WDR4: variants seen among roughly 807,000 people sequenced by gnomAD.
WDR4 encodes tRNA (guanine-N(7)-)-methyltransferase non-catalytic subunit WDR4.
A neutral mutation model predicts 48.6 loss-of-function variants in WDR4; 47 were observed. The ratio of observed to expected loss-of-function variants is 0.97; its 90% CI spans 0.77 to 1.23. The LOEUF is 1.23. Ranked by LOEUF, WDR4 falls within the 50% of genes most tolerant of loss-of-function variation. The probability of loss-of-function intolerance (pLI) is 0.00; values close to 1 mark genes in which losing one functional copy is unlikely to be tolerated. For synonymous variants in WDR4, 268 were observed against 230.0 expected (o/e 1.17, Z -1.49); for missense variants, 606 against 551.6 (o/e 1.10, Z -0.99).
At chr21:42,868,216 T>A (rs1045760836) in intron 3 of WDR4, among the ~76,000 whole-genome samples, 2 of 152,144 alleles carry the variant, frequency 1.3e-5, no homozygotes, top group Non-Finnish European at 2.9e-5. Flanking sequence ...GCCTCCGCGC[T>A]TCCATCAGGG....
the WDR4 span, among the ~76,000 whole-genome samples, chr21:42,891,724 G>A: frequency 3.3e-5 from 5 of 152,142 alleles, no homozygotes; most frequent in Admixed American, 6.6e-5. Context: ...TTGGGAGGCC[G>A]AGGCGGGCGA....
At chr21:42,874,081 C>A (rs773534347) in intron 2 of WDR4, among the ~76,000 whole-genome samples, 5 of 152,092 alleles carry the variant, frequency 3.3e-5, no homozygotes, top group African/African-American at 1.2e-4. Context: ...TTTGGTGTTG[C>A]GAGAAGTCAG....
At chr21:42,854,537 C>A in intron 8 of WDR4, 25 bp downstream of exon 8, 2 of 1,608,748 alleles carry the variant, frequency 1.2e-6, no homozygotes, top group Admixed American at 1.7e-5. Context: ...GAACCGGAGG[C>A]CATAGAGGTG....
intron 11 of WDR4, among the ~76,000 whole-genome samples, chr21:42,843,536 G>A (rs1055952435): frequency 2.0e-5 from 3 of 148,702 alleles, no homozygotes; most frequent in South Asian, 2.1e-4. Flanking sequence ...TCAGCCTCCC[G>A]AGCAGCTGGG....
chr21:42,852,187 T>C, intron 10 of WDR4, 68 bp downstream of exon 10: 1 of 1,546,138 alleles, frequency 6.5e-7, no homozygotes, highest in Non-Finnish European at 8.9e-7. Context: ...TCACAGTGTG[T>C]GCTTCTGCTT....
At chr21:42,861,341 T>TGGGGG (rs1254035123) in intron 5 of WDR4, among the ~76,000 whole-genome samples, 1 of 4,914 alleles carries the variant, frequency 2.0e-4, no homozygotes, top group African/African-American at 7.7e-4. Flanking sequence ...AAGGGTGGGG[T>TGGGGG]GGGGAGGGGG....
In WDR4 at chr21:42,862,363, G is replaced by C; in HGVS notation, c.485C>G (p.Thr162Ser). ...TCGGATCTTCTCGTCCCGGTCGGCA[G>C]TGAGGATGAAGCGGTCATCAGGACT... ...AVSPDDRFIL[T>S]ADRDEKIRVS... is the part of the protein sequence containing the mutation. Residue 162 changes from threonine to serine, a missense_variant, in exon 5 of 11, where the codon ACT becomes AGT. Coordinates refer to ENST00000398208, the MANE Select transcript of WDR4 (RefSeq NM_018669.6). This position sits in a 1 kb window ranked among gnomAD's most constrained non-coding sequence, Gnocchi z 4.3. The C allele has an allele frequency of 6.2e-7, 1 of 1,611,110 alleles. No homozygotes were observed. Among genetic ancestry groups the C allele is most frequent in the Non-Finnish European group, 8.5e-7 (1 of 1,178,842 alleles).
At chr21:42,864,661 A>G (rs928111231) in intron 3 of WDR4, among the ~76,000 whole-genome samples, 6 of 152,156 alleles carry the variant, frequency 3.9e-5, no homozygotes, top group Admixed American at 1.3e-4. Context: ...TTCCGGATGC[A>G]GCACGTTTGC....
downstream of WDR4, among the ~76,000 whole-genome samples, chr21:42,846,947 GGAGGCGGAGGTTGCAGT>G (rs1453900537): frequency 6.6e-6 from 1 of 150,404 alleles, no homozygotes; most frequent in African/African-American, 2.5e-5. Flanking sequence ...CTTGAACCCG[GGAGGCGGAGGTTGCAGT>G]GAGGTGGAGG....
At chr21:42,853,458 GCTGAGTTGAAAGAGGCTTA>G in intron 9 of WDR4, 92 bp downstream of exon 9, 5 of 1,243,858 alleles carry the variant, frequency 4.0e-6, no homozygotes, top group Non-Finnish European at 5.5e-6. Context: ...CCCAGAAGTG[GCTGAGTTGAAAGAGGCTTA>G]CCCATGGACC....
chr21:42,849,183 A>G (rs7277464), downstream of WDR4: 120,542 of 143,448 alleles, frequency 0.84, 50,162 homozygotes, highest in Middle Eastern at 0.87. Flanking sequence ...CACAGCGCAC[A>G]ATCACACCGC....
intron 6 of WDR4, among the ~76,000 whole-genome samples, chr21:42,857,304 C>T (rs463498): frequency 0.056 from 8,574 of 152,076 alleles, 266 homozygotes; most frequent in South Asian, 0.088. Flanking sequence ...GAGTGAAGGC[C>T]GGGACACTGA....
At chr21:42,879,669 G>T (rs1428267211), upstream of WDR4, 5 of 736,266 alleles carry the variant, frequency 6.8e-6, no homozygotes, top group Admixed American at 3.1e-5. Flanking sequence ...ACCGCCCTCC[G>T]GGTTGTGGCT....
the WDR4 span, chr21:42,886,829 C>T: frequency 6.6e-6 from 1 of 152,274 alleles, no homozygotes; most frequent in Admixed American, 6.5e-5. Context: ...TAGCCAATAG[C>T]CCCAGCCCAC....
intron 9 of WDR4, among the ~76,000 whole-genome samples, chr21:42,852,672 T>C (rs1008112385): frequency 6.6e-6 from 1 of 152,166 alleles, no homozygotes; most frequent in Admixed American, 6.5e-5. Context: ...TCCCAGCACT[T>C]TGGGAGGCCA....
rs1167458954 is a variant in WDR4, at chr21:42,850,153, G to C, written c.1135C>G (p.Leu379Val). Reference sequence around the variant, plus strand: ...TGCTTCTTCTCTAGCTGCTGCTGCAGTCTCTCCTCTTTCTTCTTCAGGTAG... The same window carrying C: ...TGCTTCTTCTCTAGCTGCTGCTGCACTCTCTCCTCTTTCTTCTTCAGGTAG... ...TSYLKKKEER[L>V]QQQLEKKQRR... Residue 379 changes from leucine to valine, a missense_variant, in exon 11 of 11, where the codon CTG becomes GTG. Physicochemically the swap from Leu to Val is conservative, Grantham distance 32. Coordinates refer to ENST00000398208, the MANE Select transcript of WDR4 (RefSeq NM_018669.6). The C allele has an allele frequency of 2.5e-6, 4 of 1,614,098 alleles. No individual in the cohort carries two copies. Among genetic ancestry groups the C allele is most frequent in the Non-Finnish European group, 3.4e-6 (4 of 1,180,012 alleles).
chr21:42,879,033 G>T, intron 1 of WDR4: 1 of 1,052,802 alleles, frequency 9.5e-7, no homozygotes, highest in Non-Finnish European at 1.1e-6. Context: ...TCTGCAGAGC[G>T]TGTTCGGCCG....
At chr21:42,887,950 A>AAG in the WDR4 span, among the ~76,000 whole-genome samples, 1 of 152,022 alleles carries the variant, frequency 6.6e-6, no homozygotes. Context: ...AAAACAAAAA[A>AAG]AGTTTTTATA....
intron 1 of WDR4, chr21:42,879,185 A>C (rs986693333): frequency 5.2e-6 from 7 of 1,335,354 alleles, no homozygotes; most frequent in Non-Finnish European, 5.7e-6. Context: ...AGCGCGCCGG[A>C]GCCGGGGAGC....
Sources: allele counts gnomAD v4.1 joint callset (sites outside exome capture counted in the v4.1 genomes callset), GRCh38; gene constraint gnomAD v4.1.1; non-coding constraint Gnocchi (gnomAD v3.1); transcripts MANE v1.5; gene names NCBI Gene and HGNC (gene_info 2026-07-23, HGNC 2026-07-21).